Variants in KDM3B observed in about 807,000 individuals in gnomAD.
KDM3B encodes lysine demethylase 3B.
Under a neutral mutation model 170.0 loss-of-function variants are expected in KDM3B, and 10 were observed. That is an observed-to-expected ratio of 0.06 (90% CI 0.04 to 0.10). The LOEUF (loss-of-function observed/expected upper bound fraction) is 0.10, where lower values mean the gene tolerates loss of function less well. KDM3B is among the 10% of genes least tolerant of loss of function. The probability of loss-of-function intolerance (pLI) is 1.00; values close to 1 mark genes in which losing one functional copy is unlikely to be tolerated. For synonymous variants in KDM3B, 831 were observed against 834.8 expected, an observed-to-expected ratio of 1.00 and a Z score of 0.08; for missense variants, 1,394 against 2,195.2, an observed-to-expected ratio of 0.64 and a Z score of 7.29.
At chr5:138,428,184 T>TTTTTTC (rs1763441992) in intron 20 of KDM3B, 98 bp downstream of exon 20, 2 of 1,240,830 alleles carry the variant, frequency 1.6e-6, no homozygotes, top group Non-Finnish European at 1.1e-6. Context: ...TTTTCCTTTT[T>TTTTTTC]TTTTTCTTTT....
intron 15 of KDM3B, among the ~76,000 whole-genome samples, chr5:138,421,784 C>T (rs945005690): frequency 2.6e-5 from 4 of 152,120 alleles, no homozygotes; most frequent in African/African-American, 9.7e-5. Context: ...CAAGGGCTTC[C>T]TTTTTCTCTC....
rs577036643 is a variant in KDM3B at position 138,393,226 on chromosome 5, A to G, written c.2685A>G (p.Gly895=). 4 of 1,614,250 alleles carry G rather than the reference A, an allele frequency of 2.5e-6. No homozygotes were observed. The highest frequency in any genetic ancestry group is 2.2e-5 in the East Asian group (1 of 44,890). Residue 895 remains glycine, a synonymous_variant, in exon 9 of 24, where the codon GGA becomes GGG. Coordinates refer to ENST00000314358, the MANE Select transcript of KDM3B (RefSeq NM_016604.4). ...AAGTGAAGAAGCTGAAGCAATCTGG[A>G]GAGCCCTTCCTGCAGGATGGGTCAT... ...VSKVKKLKQS[G]EPFLQDGSCI...
chr5:138,399,074 G>C lies in KDM3B; in HGVS notation c.3046+682G>C, dbSNP rs538812221. ...CGGCTAATTTTTTGTGTTTTTAGTA[G>C]GGACAGCGTTTCGCCGTGTTAGCCA... On this transcript the variant is annotated intron_variant, in intron 10 of 23. Coordinates refer to ENST00000314358, the MANE Select transcript of KDM3B (RefSeq NM_016604.4). Among the ~76,000 whole-genome samples, 102 of 151,114 alleles carry C rather than the reference G, an allele frequency of 6.7e-4. 1 individual carries two copies. The highest frequency in any genetic ancestry group is 3.4e-3 in the Middle Eastern group (1 of 290).
intron 6 of KDM3B, 43 bp downstream of exon 6, chr5:138,381,633 C>T (rs563393854): frequency 3.2e-6 from 4 of 1,233,454 alleles, no homozygotes; most frequent in South Asian, 1.2e-5. Context: ...CATGAGCTTG[C>T]ATTATCTTGC....
intron 7 of KDM3B, among the ~76,000 whole-genome samples, chr5:138,389,985 G>A (rs527397448): frequency 2.0e-5 from 3 of 151,866 alleles, no homozygotes; most frequent in South Asian, 2.1e-4. Context: ...TCAGCCTTCC[G>A]AGTAGCTGGG....
In KDM3B at chr5:138,375,116, A is replaced by C; in HGVS notation, c.384A>C (p.Lys128Asn). Residue 128 changes from lysine (K) to asparagine (N), a missense_variant, in exon 3 of 24, where the codon AAA (lysine) becomes AAC (asparagine). Coordinates refer to ENST00000314358, the MANE Select transcript of KDM3B (RefSeq NM_016604.4). ...PALTFTPLVD[K>N]LGLGSVVPVE... is the part of the protein sequence containing the mutation. ...AGACTTTTACTCCCCTTGTAGATAA[A>C]CTGGGTTTGGGTTCTGTGGTTCCAG... The C allele has an allele frequency of 6.2e-7, 1 of 1,612,154 alleles. No homozygotes were observed. The highest frequency in any genetic ancestry group is 2.2e-5 in the East Asian group (1 of 44,854).
chr5:138,391,321 C>T lies in KDM3B; in HGVS notation c.1689C>T (p.Ser563=), dbSNP rs1336376936. 1 of 1,614,022 alleles carries T rather than the reference C, an allele frequency of 6.2e-7. No individual in the cohort carries two copies. Among genetic ancestry groups the T allele is most frequent in the East Asian group, 2.2e-5 (1 of 44,892 alleles). Residue 563 remains serine (S), a synonymous_variant, in exon 8 of 24, where the codon AGC becomes AGT. Transcript: ENST00000314358. The surrounding 1 kb of genome is among the most constrained non-coding windows in gnomAD (Gnocchi z 5.0). ...SRDSFKQSLE[S]LSSGLCKGRS... The stretch of plus-strand genomic sequence containing the variant: ...ACTCATTCAAACAAAGCCTTGAGAG[C>T]CTGAGCTCAGGCCTGTGTAAAGGCA...
chr5:138,421,876 C>G (rs1763281507), intron 15 of KDM3B, among the ~76,000 whole-genome samples: 1 of 152,148 alleles, frequency 6.6e-6, no homozygotes, highest in Non-Finnish European at 1.5e-5. Flanking sequence ...CCTATCTGTT[C>G]ATCTTGCTCT....
At chr5:138,382,544 C>G (rs889002764) in intron 6 of KDM3B, among the ~76,000 whole-genome samples, 4 of 152,178 alleles carry the variant, frequency 2.6e-5, no homozygotes, top group Admixed American at 6.5e-5. Context: ...CCACATATTC[C>G]TCACAGTATC....
intron 1 of KDM3B, among the ~76,000 whole-genome samples, chr5:138,369,073 T>TATACATCATGGCACCTAGCC (rs1245200627): frequency 6.6e-6 from 1 of 152,182 alleles, no homozygotes; most frequent in Non-Finnish European, 1.5e-5. Context: ...AGTTTAGAAC[T>TATACATCATGGCACCTAGCC]ATACATCATG....
chr5:138,427,530 C>G (rs578031902), intron 19 of KDM3B, among the ~76,000 whole-genome samples: 2 of 152,274 alleles, frequency 1.3e-5, no homozygotes, highest in African/African-American at 4.8e-5. Context: ...GCTTACATGT[C>G]TCCAGTAGTG....
At chr5:138,420,268 T>C (rs757010645) in intron 14 of KDM3B, among the ~76,000 whole-genome samples, 3 of 152,174 alleles carry the variant, frequency 2.0e-5, no homozygotes, top group Non-Finnish European at 4.4e-5. Flanking sequence ...GCAGAAGTTT[T>C]CACTGGGCAC....
intron 1 of KDM3B, among the ~76,000 whole-genome samples, chr5:138,354,480 C>T (rs752604563): frequency 3.3e-5 from 5 of 152,204 alleles, no homozygotes; most frequent in Non-Finnish European, 5.9e-5. Context: ...TGACCGAAGG[C>T]CTACTTTGCC....
Position 138,391,228 on chromosome 5 carries a change from A to G in KDM3B, c.1596A>G (p.Gln532=), listed in dbSNP as rs1400276374. 6.2e-7 allele frequency: 1 copy of G among 1,614,078 alleles called. No individual in the cohort carries two copies. The part of the protein sequence containing the change: ...SKNLFFQCMS[Q]TLPTSNYFTT... ...ACTTGTTTTTTCAATGCATGTCCCAAACTTTACCTACCAGTAACTACTTCA... is the reference window on the plus strand; with the variant it reads ...ACTTGTTTTTTCAATGCATGTCCCAGACTTTACCTACCAGTAACTACTTCA... Residue 532 remains glutamine (Q), a synonymous_variant, in exon 8 of 24, where the codon CAA becomes CAG. Transcript: ENST00000314358. The surrounding 1 kb of genome is among the most constrained non-coding windows in gnomAD (Gnocchi z 5.0).
At chr5:138,430,466 G>A (rs1763502602) in intron 22 of KDM3B, 41 bp downstream of exon 22, 1 of 1,560,428 alleles carries the variant, frequency 6.4e-7, no homozygotes, top group South Asian at 1.1e-5. Context: ...AGTTCCATGG[G>A]CTTTCTTATT....
intron 6 of KDM3B, 74 bp from the exon 7 acceptor site, chr5:138,385,948 G>A: frequency 6.7e-7 from 1 of 1,499,298 alleles, no homozygotes; most frequent in Non-Finnish European, 8.9e-7. Flanking sequence ...TCTAGAGATG[G>A]GAAAGAGCTA....
At chr5:138,431,777 A>G (rs541564856) in intron 23 of KDM3B, among the ~76,000 whole-genome samples, 25 of 152,110 alleles carry the variant, frequency 1.6e-4, no homozygotes, top group Admixed American at 4.6e-4. Flanking sequence ...GCAGGGCATG[A>G]TGGCGCATGC....
intron 6 of KDM3B, among the ~76,000 whole-genome samples, chr5:138,385,018 T>A (rs1284917504): frequency 6.6e-6 from 1 of 151,158 alleles, no homozygotes; most frequent in Non-Finnish European, 1.5e-5. Context: ...CAGTTTTTTG[T>A]TTTGTTTTGT....
At chr5:138,362,534 A>G (rs1379767167) in intron 1 of KDM3B, among the ~76,000 whole-genome samples, 1 of 125,950 alleles carries the variant, frequency 7.9e-6, no homozygotes, top group Non-Finnish European at 1.6e-5. Context: ...CAGGATATAT[A>G]TATACATATA....
Sources: allele counts gnomAD v4.1 joint callset (sites outside exome capture counted in the v4.1 genomes callset), GRCh38; gene constraint gnomAD v4.1.1; non-coding constraint Gnocchi (gnomAD v3.1); transcripts MANE v1.5; gene names NCBI Gene and HGNC (gene_info 2026-07-23, HGNC 2026-07-21).